Variants in MYO1D observed in about 807,000 individuals in gnomAD.
The protein encoded by MYO1D is unconventional myosin-Id.
Under a neutral mutation model 122.0 loss-of-function variants are expected in MYO1D, and 83 were observed. The observed-to-expected ratio is 0.68, with a 90% CI of 0.57 to 0.82. The LOEUF is 0.82. MYO1D is among the 40% of genes least tolerant of loss of function. The pLI, the probability that MYO1D is intolerant of heterozygous loss-of-function variation, is 0.00. For missense variants in MYO1D, 1,157 were observed against 1,269.5 expected, an observed-to-expected ratio of 0.91 and a Z score of 1.35; for synonymous variants, 464 against 446.9, an observed-to-expected ratio of 1.04 and a Z score of -0.48.
chr17:32,782,469 C>T (rs1003755946), intron 1 of MYO1D, among the ~76,000 whole-genome samples: 4 of 152,066 alleles, frequency 2.6e-5, no homozygotes, highest in African/African-American at 9.7e-5. Context: ...ATAATTATAC[C>T]CCTCTACCCT....
chr17:32,826,922 T>A (rs1254520127), intron 1 of MYO1D, among the ~76,000 whole-genome samples: 1 of 152,192 alleles, frequency 6.6e-6, no homozygotes, highest in African/African-American at 2.4e-5. Flanking sequence ...ATGTAAAATA[T>A]AAAACATGGG....
chr17:32,635,655 T>G (rs1274352962), intron 20 of MYO1D, among the ~76,000 whole-genome samples: 1 of 151,760 alleles, frequency 6.6e-6, no homozygotes, highest in Non-Finnish European at 1.5e-5. Context: ...ATGGCGCCAC[T>G]GCACTCCAGT....
intron 1 of MYO1D, among the ~76,000 whole-genome samples, chr17:32,784,188 A>G (rs1168068454): frequency 6.6e-6 from 1 of 152,216 alleles, no homozygotes; most frequent in Non-Finnish European, 1.5e-5. Flanking sequence ...TCCACCCACC[A>G]AAACCTCCCC....
chr17:32,721,234 T>A, intron 14 of MYO1D, 45 bp from the exon 15 acceptor site: 1 of 1,586,310 alleles, frequency 6.3e-7, no homozygotes, highest in Non-Finnish European at 8.6e-7. Flanking sequence ...TGGAGAAAAT[T>A]TCCCAGCTAG....
chr17:32,602,199 A>C (rs2087570207), intron 21 of MYO1D, among the ~76,000 whole-genome samples: 1 of 152,160 alleles, frequency 6.6e-6, no homozygotes, highest in Non-Finnish European at 1.5e-5. Flanking sequence ...ATCTAGTTAT[A>C]ATGACTTACA....
intron 1 of MYO1D, among the ~76,000 whole-genome samples, chr17:32,808,325 T>C (rs2090537758): frequency 6.7e-6 from 1 of 150,296 alleles, no homozygotes; most frequent in Non-Finnish European, 1.5e-5. Flanking sequence ...CAGTGAGATA[T>C]GATCATGCCA....
At chr17:32,501,637 C>T (rs896125158) in intron 21 of MYO1D, among the ~76,000 whole-genome samples, 2 of 152,170 alleles carry the variant, frequency 1.3e-5, no homozygotes, top group South Asian at 2.1e-4. Context: ...TGGAGGCTGA[C>T]GGGAAGGCGG....
At chr17:32,725,070 T>A (rs1275303038) in intron 14 of MYO1D, among the ~76,000 whole-genome samples, 1 of 152,214 alleles carries the variant, frequency 6.6e-6, no homozygotes, top group African/African-American at 2.4e-5. Flanking sequence ...AAAATAACTA[T>A]GCTTACCATG....
chr17:32,505,693 T>A (rs1597862007), intron 21 of MYO1D: 2 of 152,112 alleles, frequency 1.3e-5, no homozygotes, highest in East Asian at 3.9e-4. Flanking sequence ...AACAGAAACC[T>A]CACACTTTCC....
At chr17:32,803,061 G>C (rs1434717176) in intron 1 of MYO1D, among the ~76,000 whole-genome samples, 1 of 152,198 alleles carries the variant, frequency 6.6e-6, no homozygotes, top group African/African-American at 2.4e-5. Context: ...TGAGAAGCAT[G>C]AGCCCTGTAT....
At chr17:32,585,177 T>C (rs2087375749) in intron 21 of MYO1D, among the ~76,000 whole-genome samples, 1 of 151,982 alleles carries the variant, frequency 6.6e-6, no homozygotes, top group Admixed American at 6.6e-5. Context: ...TGACAAAGAG[T>C]TCTCTGAATC....
intron 13 of MYO1D, among the ~76,000 whole-genome samples, chr17:32,741,223 C>A (rs1412618146): frequency 5.8e-5 from 7 of 120,960 alleles, no homozygotes; most frequent in African/African-American, 1.1e-4. Flanking sequence ...GATACCACTT[C>A]TAAAAAAAAA....
Position 32,613,722 on chromosome 17 carries a change from C to T in MYO1D, c.2710-8481G>A, listed in dbSNP as rs1260871997. On this transcript the variant is annotated intron_variant, in intron 20 of 21. Coordinates refer to ENST00000318217, the MANE Select transcript of MYO1D (RefSeq NM_015194.3). ...CAGGAAGGCAGAGATTGCAGTGAGC[C>T]GAAATAGTGCCACTGCACTCCAGCA... is the stretch of plus-strand genomic sequence containing the variant. Among the ~76,000 whole-genome samples, 8 of 126,590 alleles carry T rather than the reference C, an allele frequency of 6.3e-5. No individual in the cohort carries two copies. In the Admixed American group the frequency reaches 7.5e-4, roughly 12 times the overall value. 83.0% of individuals were successfully genotyped at this position (126,590 alleles called of 152,430 possible).
intron 11 of MYO1D, among the ~76,000 whole-genome samples, chr17:32,754,649 A>C (rs1286863605): frequency 1.3e-5 from 2 of 152,152 alleles, no homozygotes; most frequent in Non-Finnish European, 2.9e-5. Flanking sequence ...TTTACATGGA[A>C]CTCTGGAGAG....
chr17:32,521,682 G>A (rs1381885429), intron 21 of MYO1D, among the ~76,000 whole-genome samples: 1 of 152,220 alleles, frequency 6.6e-6, no homozygotes, highest in African/African-American at 2.4e-5. Flanking sequence ...AGGTGCGGTG[G>A]CGCACGCCCA....
intron 21 of MYO1D, among the ~76,000 whole-genome samples, chr17:32,523,204 G>A (rs1257793756): frequency 6.6e-6 from 1 of 152,194 alleles, no homozygotes; most frequent in Non-Finnish European, 1.5e-5. Context: ...AGGACTCAGG[G>A]CTTGCCAGTG....
At chr17:32,710,571 G>A (rs1007118579) in intron 16 of MYO1D, among the ~76,000 whole-genome samples, 4 of 152,008 alleles carry the variant, frequency 2.6e-5, no homozygotes, top group African/African-American at 9.7e-5. Context: ...CTAACTATAA[G>A]GCAAAATATT....
At chr17:32,771,034 G>C in intron 6 of MYO1D, 91 bp downstream of exon 6, 5 of 898,970 alleles carry the variant, frequency 5.6e-6, no homozygotes, top group Non-Finnish European at 8.6e-6. Context: ...TTTGCCTAAA[G>C]ATAGCAGGCT....
At chr17:32,606,306 TCTTCTAGAAAATAGGAGAGAAGGGAACA>T (rs1305677960) in intron 20 of MYO1D, among the ~76,000 whole-genome samples, 3 of 152,242 alleles carry the variant, frequency 2.0e-5, no homozygotes, top group African/African-American at 7.2e-5. Flanking sequence ...TCACCATATT[TCTTCTAGAAAATAGGAGAGAAGGGAACA>T]CTTCCTAACT....
Sources: gnomAD v4.1 joint callset for allele counts (sites outside exome capture counted in the v4.1 genomes callset) on GRCh38, gnomAD v4.1.1 for gene constraint, MANE v1.5 for transcripts, NCBI Gene and HGNC (gene_info 2026-07-23, HGNC 2026-07-21) for gene names.